HDAC4: variants seen among roughly 807,000 people sequenced by gnomAD.
HDAC4 encodes the protein histone deacetylase A.
HDAC4 carries 16 observed loss-of-function variants against 135.1 expected under a neutral mutation model. The observed-to-expected ratio is 0.12, with a 90% CI of 0.08 to 0.18. The LOEUF is 0.18. Among genes scored for constraint, HDAC4 ranks in the 10% least tolerant of loss-of-function variants. The probability of loss-of-function intolerance (pLI) is 1.00; values close to 1 mark genes in which losing one functional copy is unlikely to be tolerated. For missense variants in HDAC4, 1,143 were observed against 1,511.8 expected, an observed-to-expected ratio of 0.76 and a Z score of 4.05; for synonymous variants, 685 against 653.4, an observed-to-expected ratio of 1.05 and a Z score of -0.74.
At chr2:239,382,040 G>A (rs1262074670) in intron 1 of HDAC4, among the ~76,000 whole-genome samples, 9 of 148,676 alleles carry the variant, frequency 6.1e-5, no homozygotes. Flanking sequence ...GATCACATAC[G>A]GCTCCCTAGG....
intron 2 of HDAC4, among the ~76,000 whole-genome samples, chr2:239,289,336 C>T (rs72990748): frequency 0.2 from 30,705 of 152,034 alleles, 3,240 homozygotes; most frequent in Non-Finnish European, 0.22. Flanking sequence ...AAATGAAATA[C>T]GAAAAAGCAC....
rs1327967514 is a variant in HDAC4, at chr2:239,068,681, C to G, written c.2751-74G>C. 7.7e-7 allele frequency: 1 copy of G among 1,305,344 alleles called. No homozygotes were observed. Among genetic ancestry groups the G allele is most frequent in the Non-Finnish European group, 1.1e-6 (1 of 899,932 alleles). The allele number at this position is 1,305,344 out of a possible 1,614,324, so 80.9% of individuals were successfully genotyped here. On this transcript the variant is annotated intron_variant, in intron 22 of 26. Transcript: ENST00000543185. This position sits in a 1 kb window ranked among gnomAD's most constrained non-coding sequence, Gnocchi z 4.4. ...GGACGGTCACAAAACCCCAAGGTTC[C>G]CTCTGGCATTGATAATGCCTGCCCC...
intron 2 of HDAC4, chr2:239,351,705 A>T (rs572507923): frequency 1.3e-5 from 2 of 154,500 alleles, no homozygotes; most frequent in South Asian, 4.1e-4. Context: ...CGTTCCGGCA[A>T]TCTCAAAGAG....
chr2:239,362,398 T>C (rs1693922211), intron 1 of HDAC4, among the ~76,000 whole-genome samples: 1 of 152,226 alleles, frequency 6.6e-6, no homozygotes, highest in Non-Finnish European at 1.5e-5. Flanking sequence ...CTTAATTTCA[T>C]GGAATAAGCC....
rs11682101 is a variant in HDAC4, at chr2:239,080,934, T to C, written c.2750+161A>G. On this transcript the variant is annotated intron_variant, in intron 22 of 26. Coordinates refer to ENST00000543185, the MANE Select transcript of HDAC4 (RefSeq NM_001378414.1). ...GAAGATAGTCGCCAAGATTCCACGC[T>C]TGGCACTGAAGAATGAACTGAGACA... is the stretch of plus-strand genomic sequence containing the variant. 0.018 allele frequency: 10,939 copies of C among 607,272 alleles called. 149 individuals are homozygous for C. The highest frequency in any genetic ancestry group is 0.023 in the Non-Finnish European group (7,872 of 340,818). The allele number at this position is 607,272 out of a possible 1,614,324, so 37.6% of individuals were successfully genotyped here.
chr2:239,377,505 G>C (rs1287777071), intron 1 of HDAC4, among the ~76,000 whole-genome samples: 1 of 152,240 alleles, frequency 6.6e-6, no homozygotes, highest in Admixed American at 6.5e-5. Context: ...CTTCTATGCA[G>C]ATCTCCACAC....
Position 239,108,063 on chromosome 2 carries a change from C to T in HDAC4, c.2099G>A (p.Arg700Gln), listed in dbSNP as rs1377647048. The T allele has an allele frequency of 2.5e-6, 4 of 1,610,914 alleles. No homozygotes were observed. The highest frequency in any genetic ancestry group is 3.4e-6 in the Non-Finnish European group (4 of 1,179,868). Residue 700 changes from arginine (R) to glutamine (Q), a missense_variant, in exon 15 of 27, where the codon CGG becomes CAG. Physicochemically the swap from Arg to Gln is conservative, Grantham distance 43. This residue lies in a region of HDAC4 where 47 missense variants were observed against 117.2 expected (regional missense o/e 0.40). Transcript: ENST00000543185. ...IWSRLQETGL[R>Q]GKCECIRGRK... Reference sequence around the variant, plus strand: ...GGTCGGCGTTACCTCGCATTTGCCCCGGAGGCCCGTCTCCTGCAGGCGGGA... The same window carrying T: ...GGTCGGCGTTACCTCGCATTTGCCCTGGAGGCCCGTCTCCTGCAGGCGGGA...
chr2:239,103,005 A>G, intron 15 of HDAC4, 109 bp from the exon 16 acceptor site: 1 of 1,339,222 alleles, frequency 7.5e-7, no homozygotes, highest in Non-Finnish European at 1.1e-6. Flanking sequence ...ACTTAATTTG[A>G]TACAAAAACA....
chr2:239,176,482 G>C lies in HDAC4; in HGVS notation c.421C>G (p.Gln141Glu). 6.2e-7 allele frequency: 1 copy of C among 1,613,462 alleles called. No homozygotes were observed. The highest frequency in any genetic ancestry group is 8.5e-7 in the Non-Finnish European group (1 of 1,179,824). The stretch of plus-strand genomic sequence containing the variant: ...TCCCGGTGCTGCTTCTCCAGCTCCT[G>C]CTCCTGGCGGTGCCTCTCCAGCTTC... ...QRKLERHRQE[Q>E]ELEKQHREQK... Residue 141 changes from glutamine (Q) to glutamate (E), a missense_variant, in exon 5 of 27, where the codon CAG becomes GAG. Around this residue, in one of 9 missense-constraint regions of HDAC4, gnomAD observed 247 missense variants for 310.0 expected, o/e 0.80. Transcript: ENST00000543185.
At chr2:239,133,273 G>A (rs1190692503) in intron 11 of HDAC4, among the ~76,000 whole-genome samples, 1 of 152,162 alleles carries the variant, frequency 6.6e-6, no homozygotes, top group South Asian at 2.1e-4. Context: ...CTAGCCCCAC[G>A]CATCCTGCAG....
At chr2:239,060,758 C>T (rs529958180) in intron 24 of HDAC4, among the ~76,000 whole-genome samples, 91 of 152,360 alleles carry the variant, frequency 6.0e-4, no homozygotes, top group Admixed American at 2.5e-3. Flanking sequence ...GGGACTTGCC[C>T]GGAAGTTCAG....
chr2:239,232,188 T>G (rs1410468136), intron 3 of HDAC4, among the ~76,000 whole-genome samples: 1 of 152,258 alleles, frequency 6.6e-6, no homozygotes, highest in Non-Finnish European at 1.5e-5. Context: ...TAAACATACA[T>G]TGCTTTTATA....
intron 2 of HDAC4, among the ~76,000 whole-genome samples, chr2:239,251,167 G>A (rs1451028711): frequency 3.3e-5 from 5 of 152,190 alleles, no homozygotes; most frequent in African/African-American, 7.2e-5. Context: ...TGGTACTACC[G>A]AATAATATAC....
intron 24 of HDAC4, among the ~76,000 whole-genome samples, chr2:239,060,953 C>T (rs760377335): frequency 6.6e-6 from 1 of 152,268 alleles, no homozygotes; most frequent in African/African-American, 2.4e-5. Flanking sequence ...TGTGTGGCCA[C>T]AGCTCCTTCA....
intron 8 of HDAC4, among the ~76,000 whole-genome samples, chr2:239,140,355 C>T (rs751901931): frequency 2.0e-5 from 3 of 152,118 alleles, no homozygotes; most frequent in Non-Finnish European, 2.9e-5. Flanking sequence ...CTTTAACCAT[C>T]GGTGCGGCTT....
intron 1 of HDAC4, among the ~76,000 whole-genome samples, chr2:239,385,302 G>A (rs554061577): frequency 2.6e-5 from 4 of 152,252 alleles, no homozygotes; most frequent in Non-Finnish European, 5.9e-5. Flanking sequence ...GGGGCACACA[G>A]CGGGCTGGCT....
intron 12 of HDAC4, among the ~76,000 whole-genome samples, chr2:239,119,785 C>T (rs547891828): frequency 6.6e-6 from 1 of 152,306 alleles, no homozygotes; most frequent in East Asian, 1.9e-4. Context: ...CCGAGGGGTG[C>T]ATGGTCCTGC....
Position 239,139,840 on chromosome 2 carries a change from G to A in HDAC4, c.866-44C>T, listed in dbSNP as rs1256799738. The stretch of plus-strand genomic sequence containing the variant: ...CCTGGTGAGTGTTACTCCATGCGGA[G>A]GGAGGGCCGTGCTGACCTGTGGCCC... On this transcript the variant is annotated intron_variant, in intron 8 of 26. Transcript: ENST00000543185. This position sits in a 1 kb window ranked among gnomAD's most constrained non-coding sequence, Gnocchi z 5.3. 2 of 1,554,622 alleles carry A rather than the reference G, an allele frequency of 1.3e-6. No homozygotes were observed. The highest frequency in any genetic ancestry group is 1.4e-5 in the African/African-American group (1 of 73,770).
intron 2 of HDAC4, among the ~76,000 whole-genome samples, chr2:239,266,490 G>A (rs904921783): frequency 5.3e-5 from 8 of 152,200 alleles, no homozygotes; most frequent in South Asian, 2.1e-4. Context: ...AGGTGCCTCC[G>A]GGGCTGCTGA....
Sources: allele counts gnomAD v4.1 joint callset (sites outside exome capture counted in the v4.1 genomes callset), GRCh38; gene constraint gnomAD v4.1.1; regional missense constraint gnomAD v4.1.1; non-coding constraint Gnocchi (gnomAD v3.1); transcripts MANE v1.5; gene names NCBI Gene and HGNC (gene_info 2026-07-23, HGNC 2026-07-21).